TPST2: variants seen among roughly 807,000 people sequenced by gnomAD.
The protein encoded by TPST2 is protein-tyrosine sulfotransferase 2.
TPST2 carries 16 observed loss-of-function variants against 27.8 expected under a neutral mutation model. The observed-to-expected ratio is 0.58, with a 90% CI of 0.39 to 0.88. The LOEUF is 0.88. Among genes scored for constraint, TPST2 ranks in the 40% least tolerant of loss-of-function variants. The pLI, the probability that TPST2 is intolerant of heterozygous loss-of-function variation, is 0.00. For synonymous variants in TPST2, 229 were observed against 231.7 expected (o/e 0.99, Z 0.10); for missense variants, 464 against 543.1 (o/e 0.85, Z 1.45).
intron 6 of TPST2, among the ~76,000 whole-genome samples, chr22:26,526,579 A>C (rs2283815): frequency 0.32 from 49,043 of 152,052 alleles, 8,763 homozygotes; most frequent in African/African-American, 0.48. Flanking sequence ...TGTTTGTTCA[A>C]GGCCAACTCT....
At chr22:26,578,244 G>A (rs930580662) in intron 1 of TPST2, among the ~76,000 whole-genome samples, 2 of 152,174 alleles carry the variant, frequency 1.3e-5, no homozygotes, top group Admixed American at 6.5e-5. Context: ...ACAGAAAGGT[G>A]AAGTCGTTGC....
At chr22:26,563,702 T>C (rs913381841) in intron 1 of TPST2, among the ~76,000 whole-genome samples, 2 of 152,174 alleles carry the variant, frequency 1.3e-5, no homozygotes, top group African/African-American at 2.4e-5. Flanking sequence ...CAAGGCCTTC[T>C]GACAGACATG....
At chr22:26,587,302 G>T (rs539062015) in intron 1 of TPST2, among the ~76,000 whole-genome samples, 108 of 152,250 alleles carry the variant, frequency 7.1e-4, no homozygotes, top group African/African-American at 2.4e-3. Context: ...CAGCTCCTGG[G>T]GTGGGCTCTG....
chr22:26,560,004 G>A (rs1389066626), intron 1 of TPST2, among the ~76,000 whole-genome samples: 3 of 152,136 alleles, frequency 2.0e-5, no homozygotes, highest in Non-Finnish European at 4.4e-5. Context: ...GCTGTAATAC[G>A]ATATAAAATA....
At chr22:26,552,674 G>A (rs968624362) in intron 1 of TPST2, among the ~76,000 whole-genome samples, 19 of 152,290 alleles carry the variant, frequency 1.2e-4, no homozygotes, top group African/African-American at 3.9e-4. Context: ...AAGGCAAGTG[G>A]CTGCGTTTCC....
At chr22:26,577,467 C>G (rs1927896166) in intron 1 of TPST2, among the ~76,000 whole-genome samples, 1 of 151,786 alleles carries the variant, frequency 6.6e-6, no homozygotes, top group African/African-American at 2.4e-5. Context: ...GCCTCATCCT[C>G]CCGAGTAGTA....
At chr22:26,585,003 G>A (rs1169712492) in intron 1 of TPST2, among the ~76,000 whole-genome samples, 1 of 152,180 alleles carries the variant, frequency 6.6e-6, no homozygotes, top group African/African-American at 2.4e-5. Context: ...CTGGTACCAA[G>A]ATAAGTGCTT....
At chr22:26,574,751 C>A (rs192931657) in intron 1 of TPST2, among the ~76,000 whole-genome samples, 1 of 152,312 alleles carries the variant, frequency 6.6e-6, no homozygotes, top group East Asian at 1.9e-4. Context: ...CACCAGCATC[C>A]TCACCACCCA....
intron 1 of TPST2, among the ~76,000 whole-genome samples, chr22:26,545,470 C>T (rs1035448021): frequency 2.6e-5 from 4 of 152,230 alleles, no homozygotes; most frequent in African/African-American, 9.6e-5. Context: ...AGCTTTAGGG[C>T]AGGGAGTATA....
intron 1 of TPST2, among the ~76,000 whole-genome samples, chr22:26,558,672 G>C (rs1926927355): frequency 6.6e-6 from 1 of 152,132 alleles, no homozygotes; most frequent in African/African-American, 2.4e-5. Flanking sequence ...ACAGAGTGGT[G>C]GGGGAGACCC....
intron 1 of TPST2, among the ~76,000 whole-genome samples, chr22:26,578,406 A>C (rs1927945037): frequency 6.6e-6 from 1 of 152,182 alleles, no homozygotes; most frequent in Non-Finnish European, 1.5e-5. Context: ...GACCACGCTG[A>C]ATGGGAACTC....
intron 2 of TPST2, 118 bp downstream of exon 2, chr22:26,544,486 G>T: frequency 5.0e-6 from 2 of 401,166 alleles, no homozygotes; most frequent in Non-Finnish European, 6.8e-6. Flanking sequence ...GTGAAAACCA[G>T]CCAGGGGAGT....
chr22:26,536,128 T>C (rs770830705), intron 4 of TPST2, 160 bp downstream of exon 4: 2 of 1,043,844 alleles, frequency 1.9e-6, no homozygotes, highest in Non-Finnish European at 1.5e-6. Flanking sequence ...AAAATGGAAA[T>C]ACAAGCAATC....
At chr22:26,589,915 C>A (rs1895558319) in intron 1 of TPST2, 138 bp downstream of exon 1, 1 of 152,098 alleles carries the variant, frequency 6.6e-6, no homozygotes, top group African/African-American at 2.4e-5. Context: ...AGCCCCGGAG[C>A]CCGAGCAGTC....
intron 1 of TPST2, among the ~76,000 whole-genome samples, chr22:26,588,906 C>T (rs1928445139): frequency 6.6e-6 from 1 of 152,156 alleles, no homozygotes; most frequent in African/African-American, 2.4e-5. Context: ...GGCAGACAGA[C>T]ATGCAAGGGA....
intron 5 of TPST2, 143 bp from the exon 6 acceptor site, chr22:26,528,405 G>T: frequency 1.8e-6 from 2 of 1,090,710 alleles, no homozygotes; most frequent in Non-Finnish European, 2.7e-6. Context: ...TGTGCCAGGT[G>T]CTGGGATAGC....
At chr22:26,559,411 T>A (rs34525635) in intron 1 of TPST2, among the ~76,000 whole-genome samples, 24,188 of 152,286 alleles carry the variant, frequency 0.16, 2,182 homozygotes, top group South Asian at 0.3. Flanking sequence ...GTCTTTAGTA[T>A]AATCACAGGG....
chr22:26,572,814 T>C (rs1372263749), intron 1 of TPST2, among the ~76,000 whole-genome samples: 2 of 152,134 alleles, frequency 1.3e-5, no homozygotes, highest in African/African-American at 4.8e-5. Flanking sequence ...TTCCTACACT[T>C]ATCACAGAGC....
At position 26,544,602 on chromosome 22, in the gene TPST2, A is replaced by G. The variant is rs1926022752; in HGVS notation, c.-89+2T>C. On this transcript the variant is annotated splice_donor_variant, in intron 2 of 6. Transcript: ENST00000338754. LOFTEE classifies it low-confidence loss of function (5UTR_SPLICE). ...GGGGAAGTTCCTTCTAGGTGCACTT[A>G]CCTCCCTTGGGCACTCTCATCTCTG... The G allele has an allele frequency of 1.0e-6, 1 of 985,458 alleles. No individual in the cohort carries two copies. The highest frequency in any genetic ancestry group is 6.2e-5 in the Admixed American group (1 of 16,232). The allele number at this position is 985,458 out of a possible 1,614,324, so 61.0% of individuals were successfully genotyped here. A position where few individuals can be genotyped will look rare whatever the true frequency, so the allele number is the denominator to read the frequency against.
Sources: gnomAD v4.1 joint callset for allele counts (sites outside exome capture counted in the v4.1 genomes callset) on GRCh38, gnomAD v4.1.1 for gene constraint, MANE v1.5 for transcripts, NCBI Gene and HGNC (gene_info 2026-07-23, HGNC 2026-07-21) for gene names.